The following ALG9 variants were observed in gnomAD, a reference collection of about 807,000 sequenced individuals.
ALG9 encodes the protein ALG9 alpha-1,2-mannosyltransferase, also known as alpha-1,2-mannosyltransferase ALG9.
A neutral mutation model predicts 81.8 loss-of-function variants in ALG9; 55 were observed. The ratio of observed to expected loss-of-function variants is 0.67; its 90% CI spans 0.54 to 0.84. ALG9 has a LOEUF of 0.84. Among genes scored for constraint, ALG9 ranks in the 40% least tolerant of loss-of-function variants. The probability of loss-of-function intolerance (pLI) is 0.00; values close to 1 mark genes in which losing one functional copy is unlikely to be tolerated. For missense variants in ALG9, 629 were observed against 745.0 expected (o/e 0.84, Z 1.81); for synonymous variants, 278 against 274.3 (o/e 1.01, Z -0.13).
rs782513728 is a variant in ALG9, at chr11:111,837,504, C to T, written c.1436G>A (p.Trp479Ter). 1.9e-6 allele frequency: 3 copies of T among 1,614,090 alleles called. No homozygotes were observed. The Admixed American group carries it at 5.0e-5, about 27-fold the overall frequency. ...AAGGAAGCTGCTGGGAAATCGATAC[C>T]ACTCTTTTCCCACACAGACATTCAC... ...RPVNVCVGKE[W>*]YRFPSSFLLP... The change falls in exon 12 of 15, where the codon TGG becomes TAG. Residue 479 changes from tryptophan (W) to a stop codon, truncating the protein, a stop_gained. Transcript: ENST00000616540. LOFTEE classifies it high-confidence loss of function.
At chr11:111,858,976 G>A (rs1224971777) in intron 5 of ALG9, among the ~76,000 whole-genome samples, 1 of 152,192 alleles carries the variant, frequency 6.6e-6, no homozygotes, top group African/African-American at 2.4e-5. Context: ...AGGCCAAGGT[G>A]TGGGGGGCTG....
At chr11:111,786,811 GTCAA>G (rs1388478289) in intron 14 of ALG9, among the ~76,000 whole-genome samples, 2 of 152,130 alleles carry the variant, frequency 1.3e-5, no homozygotes, top group African/African-American at 4.8e-5. Flanking sequence ...AAAATTCCAG[GTCAA>G]TCAAAGGACT....
At chr11:111,818,770 A>C (rs1951889008) in intron 13 of ALG9, among the ~76,000 whole-genome samples, 1 of 152,244 alleles carries the variant, frequency 6.6e-6, no homozygotes, top group Admixed American at 6.5e-5. Flanking sequence ...AACCTAGCAC[A>C]GTACAAAACA....
intron 13 of ALG9, among the ~76,000 whole-genome samples, chr11:111,811,292 C>T (rs1950669462): frequency 6.6e-6 from 1 of 151,960 alleles, no homozygotes; most frequent in African/African-American, 2.4e-5. Flanking sequence ...CCTGTAATCC[C>T]AGCACTTTGG....
intron 14 of ALG9, chr11:111,805,289 G>A (rs1427927542): frequency 2.4e-5 from 11 of 456,132 alleles, no homozygotes; most frequent in African/African-American, 1.6e-4. Flanking sequence ...TACTGGCATC[G>A]TGATCTTGGT....
intron 14 of ALG9, among the ~76,000 whole-genome samples, chr11:111,791,117 C>A (rs782621534): frequency 6.6e-6 from 1 of 152,092 alleles, no homozygotes; most frequent in African/African-American, 2.4e-5. Flanking sequence ...ATAAAGGAAA[C>A]CTTTGATTTT....
chr11:111,869,440 G>A (rs561969714), intron 2 of ALG9, among the ~76,000 whole-genome samples: 8 of 151,948 alleles, frequency 5.3e-5, no homozygotes, highest in African/African-American at 1.5e-4. Context: ...TTTGGTAACC[G>A]TCAGAAGAAA....
intron 5 of ALG9, 35 bp downstream of exon 5, chr11:111,860,512 T>C: frequency 1.3e-6 from 2 of 1,571,358 alleles, no homozygotes; most frequent in Non-Finnish European, 8.8e-7. Flanking sequence ...TACCTGGTGA[T>C]GACCTGCAAT....
At chr11:111,858,978 G>C (rs146649510) in intron 5 of ALG9, among the ~76,000 whole-genome samples, 6 of 152,270 alleles carry the variant, frequency 3.9e-5, no homozygotes, top group African/African-American at 9.6e-5. Flanking sequence ...GCCAAGGTGT[G>C]GGGGGCTGCT....
At chr11:111,835,201 G>A (rs905951239) in intron 13 of ALG9, among the ~76,000 whole-genome samples, 12 of 152,124 alleles carry the variant, frequency 7.9e-5, no homozygotes, top group African/African-American at 2.4e-4. Context: ...TTTCTTTAAC[G>A]GACAGGTTAT....
chr11:111,800,069 C>T (rs1948874016), intron 14 of ALG9, among the ~76,000 whole-genome samples: 1 of 152,156 alleles, frequency 6.6e-6, no homozygotes, highest in Non-Finnish European at 1.5e-5. Flanking sequence ...GATTTGGTGC[C>T]TCTATGGTCT....
Position 111,786,585 on chromosome 11 carries a change from G to A in ALG9, c.1734-65C>T. On this transcript the variant is annotated intron_variant, in intron 14 of 14. Coordinates refer to ENST00000616540, the MANE Select transcript of ALG9 (RefSeq NM_024740.2). ...GGAGAATTTACTAATGGTACTAAAT[G>A]TGATTAAAATAAATAAACTAATCTG... is the stretch of plus-strand genomic sequence containing the variant. 3 of 1,538,496 alleles carry A rather than the reference G, an allele frequency of 1.9e-6. 1 individual carries two copies. In the South Asian group the frequency reaches 3.4e-5, roughly 17 times the overall value.
chr11:111,781,341 T>C (rs1440587364), downstream of ALG9, among the ~76,000 whole-genome samples: 3 of 152,208 alleles, frequency 2.0e-5, no homozygotes, highest in East Asian at 5.8e-4. Context: ...CAGTGGTGCA[T>C]GCCTGTAGTC....
chr11:111,822,738 A>C (rs1049181206), intron 13 of ALG9, among the ~76,000 whole-genome samples: 2 of 151,582 alleles, frequency 1.3e-5, no homozygotes, highest in African/African-American at 4.8e-5. Flanking sequence ...AACAAAAAAA[A>C]CAGGCCAGAC....
intron 5 of ALG9, 139 bp downstream of exon 5, chr11:111,860,408 T>C: frequency 1.3e-6 from 1 of 763,426 alleles, no homozygotes; most frequent in South Asian, 1.4e-5. Context: ...ATTGACATGT[T>C]CTACAAATAT....
intron 14 of ALG9, among the ~76,000 whole-genome samples, chr11:111,806,021 T>A (rs1949875941): frequency 6.6e-6 from 1 of 152,104 alleles, no homozygotes; most frequent in African/African-American, 2.4e-5. Flanking sequence ...CATAGCCAGC[T>A]AATTTTTTTT....
At chr11:111,849,279 G>A (rs1056304852) in intron 8 of ALG9, among the ~76,000 whole-genome samples, 6 of 151,948 alleles carry the variant, frequency 3.9e-5, no homozygotes, top group Admixed American at 2.6e-4. Context: ...TCGAACTCCT[G>A]GCCTCAAGTG....
intron 13 of ALG9, among the ~76,000 whole-genome samples, chr11:111,823,451 AAAGTCTATGT>A (rs1334100310): frequency 5.3e-5 from 8 of 152,218 alleles, no homozygotes; most frequent in Non-Finnish European, 7.3e-5. Context: ...GAGCAATTAG[AAAGTCTATGT>A]CTTGCTTTTA....
rs182815475 is a variant in ALG9 at position 111,817,784 on chromosome 11, T to C, written c.1603-8011A>G. On this transcript the variant is annotated intron_variant, in intron 13 of 14. Transcript: ENST00000616540. ...CAAATCTCACTTGTATTTCTTTTTT[T>C]TTTTTTTTTTTGAGACAGATTTTGC... 8.8e-3 allele frequency among the ~76,000 whole-genome samples: 1,326 copies of C among 151,356 alleles called. 20 individuals are homozygous for C. The highest frequency in any genetic ancestry group is 0.03 in the African/African-American group (1,244 of 41,268).
Sources: allele counts gnomAD v4.1 joint callset (sites outside exome capture counted in the v4.1 genomes callset), GRCh38; gene constraint gnomAD v4.1.1; transcripts MANE v1.5; gene names NCBI Gene and HGNC (gene_info 2026-07-23, HGNC 2026-07-21).